NDUFAF2: variants seen among roughly 807,000 people sequenced by gnomAD.
NDUFAF2 encodes the protein NADH:ubiquinone oxidoreductase complex assembly factor 2.
In NDUFAF2, 13 loss-of-function variants were observed where a neutral mutation model predicts 22.8. The ratio of observed to expected loss-of-function variants is 0.57; its 90% CI spans 0.37 to 0.91. NDUFAF2 has a LOEUF of 0.91. NDUFAF2 is among the 40% of genes least tolerant of loss of function. NDUFAF2 has a pLI of 0.01. For missense variants in NDUFAF2, 162 were observed against 195.2 expected (o/e 0.83, Z 1.01); for synonymous variants, 53 against 64.2 (o/e 0.83, Z 0.84).
intron 1 of NDUFAF2, among the ~76,000 whole-genome samples, chr5:61,068,223 A>G (rs752883315): frequency 6.6e-6 from 1 of 152,146 alleles, no homozygotes; most frequent in Non-Finnish European, 1.5e-5. Flanking sequence ...TTTAATTGGC[A>G]TACATTTTCA....
At chr5:60,973,269 T>C (rs1348192517) in intron 1 of NDUFAF2, among the ~76,000 whole-genome samples, 1 of 152,174 alleles carries the variant, frequency 6.6e-6, no homozygotes, top group African/African-American at 2.4e-5. Context: ...CCTGAGTTCA[T>C]TCATGTCTGT....
intron 1 of NDUFAF2, among the ~76,000 whole-genome samples, chr5:61,023,338 T>G (rs1414872743): frequency 1.3e-5 from 2 of 152,176 alleles, no homozygotes; most frequent in Non-Finnish European, 2.9e-5. Context: ...CTAAACATTT[T>G]TACTGGTTTA....
chr5:60,956,041 C>T (rs1428858713), intron 1 of NDUFAF2, among the ~76,000 whole-genome samples: 1 of 151,832 alleles, frequency 6.6e-6, no homozygotes, highest in African/African-American at 2.4e-5. Flanking sequence ...ACTGGGACTA[C>T]AGATATGTGC....
intron 1 of NDUFAF2, among the ~76,000 whole-genome samples, chr5:61,020,551 G>GTGTGTA (rs1751564834): frequency 1.8e-5 from 2 of 112,534 alleles, no homozygotes; most frequent in African/African-American, 5.3e-5. Flanking sequence ...TTTGTTATGT[G>GTGTGTA]TGTGTGTGTG....
chr5:61,102,577 AAC>A (rs1488014951), intron 3 of NDUFAF2, among the ~76,000 whole-genome samples: 1 of 152,170 alleles, frequency 6.6e-6, no homozygotes, highest in Admixed American at 6.6e-5. Flanking sequence ...AGAAGAAAAA[AAC>A]AATGGAATAT....
chr5:61,041,752 A>G (rs1400991725), intron 1 of NDUFAF2, among the ~76,000 whole-genome samples: 1 of 152,204 alleles, frequency 6.6e-6, no homozygotes, highest in Non-Finnish European at 1.5e-5. Context: ...GAAAAGAGTC[A>G]TTGTTCTTAG....
intron 1 of NDUFAF2, among the ~76,000 whole-genome samples, chr5:60,960,127 A>G (rs538216759): frequency 6.6e-6 from 1 of 152,270 alleles, no homozygotes; most frequent in East Asian, 1.9e-4. Context: ...CTAATAATGG[A>G]TGAGTGACTA....
At chr5:61,013,009 A>G (rs13179721) in intron 1 of NDUFAF2, among the ~76,000 whole-genome samples, 14,552 of 152,124 alleles carry the variant, frequency 0.096, 904 homozygotes, top group South Asian at 0.19. Flanking sequence ...AATTGTGTGA[A>G]TAGCATGACA....
chr5:61,011,047 T>A (rs546335801), intron 1 of NDUFAF2, among the ~76,000 whole-genome samples: 21 of 152,290 alleles, frequency 1.4e-4, no homozygotes, highest in African/African-American at 5.1e-4. Flanking sequence ...TATGGATCTG[T>A]CACCATTTGA....
chr5:61,111,793 T>C (rs1752845262), intron 3 of NDUFAF2, among the ~76,000 whole-genome samples: 1 of 152,014 alleles, frequency 6.6e-6, no homozygotes, highest in Non-Finnish European at 1.5e-5. Context: ...TAATTTTTTG[T>C]ATTTTTAGTA....
chr5:61,143,652 A>G (rs1037464571), intron 3 of NDUFAF2, among the ~76,000 whole-genome samples: 1 of 152,116 alleles, frequency 6.6e-6, no homozygotes, highest in Non-Finnish European at 1.5e-5. Context: ...CTTGAACTTC[A>G]TAAATAAGCT....
intron 1 of NDUFAF2, among the ~76,000 whole-genome samples, chr5:61,011,135 T>TA (rs1285380106): frequency 6.6e-6 from 1 of 152,184 alleles, no homozygotes; most frequent in Non-Finnish European, 1.5e-5. Context: ...GTTACATAGT[T>TA]ACTTCCTTAT....
intron 1 of NDUFAF2, among the ~76,000 whole-genome samples, chr5:61,033,260 T>C (rs965701843): frequency 6.6e-6 from 1 of 152,200 alleles, no homozygotes; most frequent in Non-Finnish European, 1.5e-5. Flanking sequence ...TGTTTTCACA[T>C]AGATGACTTT....
At chr5:60,988,513 AC>A (rs2112583753) in intron 1 of NDUFAF2, among the ~76,000 whole-genome samples, 1 of 152,316 alleles carries the variant, frequency 6.6e-6, no homozygotes, top group South Asian at 2.1e-4. Context: ...GCATAATGTT[AC>A]CCGACTTCAA....
intron 1 of NDUFAF2, among the ~76,000 whole-genome samples, chr5:60,981,080 T>A (rs760819013): frequency 5.9e-5 from 9 of 152,076 alleles, no homozygotes; most frequent in Non-Finnish European, 2.9e-5. Context: ...TTAAGTACAA[T>A]AAGGTTATAC....
At chr5:61,077,994 A>G (rs899403801) in intron 2 of NDUFAF2, among the ~76,000 whole-genome samples, 1 of 152,212 alleles carries the variant, frequency 6.6e-6, no homozygotes, top group Non-Finnish European at 1.5e-5. Flanking sequence ...TACATCATTT[A>G]TAACTTGGCT....
intron 1 of NDUFAF2, among the ~76,000 whole-genome samples, chr5:60,967,699 A>T (rs189925689): frequency 6.6e-6 from 1 of 151,776 alleles, no homozygotes; most frequent in African/African-American, 2.4e-5. Context: ...ATCTCACTTG[A>T]TCATGGTGAA....
chr5:61,035,296 C>A (rs1316713995), intron 1 of NDUFAF2, among the ~76,000 whole-genome samples: 1 of 151,866 alleles, frequency 6.6e-6, no homozygotes, highest in Non-Finnish European at 1.5e-5. Flanking sequence ...GAATTCCTGA[C>A]CTCAAGTGAT....
chr5:60,998,374 A>C (rs1175679941), intron 1 of NDUFAF2, among the ~76,000 whole-genome samples: 3 of 152,162 alleles, frequency 2.0e-5, no homozygotes, highest in Non-Finnish European at 4.4e-5. Context: ...ACCTCCAAAT[A>C]AATTGTTGTA....
Sources: allele counts gnomAD v4.1 joint callset (sites outside exome capture counted in the v4.1 genomes callset), GRCh38; gene constraint gnomAD v4.1.1; transcripts MANE v1.5; gene names NCBI Gene and HGNC (gene_info 2026-07-23, HGNC 2026-07-21).